Variants in MIS18A observed in about 807,000 individuals in gnomAD.
MIS18A encodes protein Mis18-alpha.
MIS18A carries 14 observed loss-of-function variants against 25.0 expected under a neutral mutation model. That is an observed-to-expected ratio of 0.56 (90% CI 0.37 to 0.88). The LOEUF (loss-of-function observed/expected upper bound fraction) is 0.88, where lower values mean the gene tolerates loss of function less well. Ranked by LOEUF, MIS18A falls within the 40% of genes least tolerant of loss-of-function variation. The pLI, the probability that MIS18A is intolerant of heterozygous loss-of-function variation, is 0.00. For synonymous variants in MIS18A, 134 were observed against 118.6 expected (o/e 1.13, Z -0.84); for missense variants, 292 against 290.8 (o/e 1.00, Z -0.03).
downstream of MIS18A, among the ~76,000 whole-genome samples, chr21:32,265,340 C>A (rs1298429119): frequency 6.6e-6 from 1 of 152,186 alleles, no homozygotes; most frequent in East Asian, 1.9e-4. Context: ...GGGAGAGGCA[C>A]GAGCGGGAAC....
At chr21:32,175,954 C>T in the MIS18A span, among the ~76,000 whole-genome samples, 2 of 152,048 alleles carry the variant, frequency 1.3e-5, no homozygotes, top group Admixed American at 6.6e-5. Flanking sequence ...CAAACACATA[C>T]ATGAGCCTAG....
Position 32,278,848 on chromosome 21 carries a change from C to T in MIS18A, c.167G>A (p.Ser56Asn), listed in dbSNP as rs1280235343. Residue 56 changes from serine (S) to asparagine (N), a missense_variant, in exon 1 of 5, where the codon AGC (serine) becomes AAC (asparagine). Coordinates refer to ENST00000290130, the MANE Select transcript of MIS18A (RefSeq NM_018944.3). The part of the protein sequence containing the change: ...QKWASMWSSM[S>N]EDASVADMER... ...CATGTCGGCCACCGACGCGTCTTCG[C>T]TCATGGAGCTCCACATGCTCGCCCA... 3.1e-6 allele frequency: 5 copies of T among 1,611,256 alleles called. No individual in the cohort carries two copies. The highest frequency in any genetic ancestry group is 1.7e-6 in the Non-Finnish European group (2 of 1,179,270).
At chr21:32,189,688 C>T in the MIS18A span, among the ~76,000 whole-genome samples, 1 of 152,172 alleles carries the variant, frequency 6.6e-6, no homozygotes, top group Non-Finnish European at 1.5e-5. Context: ...CCCCAAAACT[C>T]AGCTCCCTTG....
At chr21:32,245,842 T>C in the MIS18A span, among the ~76,000 whole-genome samples, 1 of 152,212 alleles carries the variant, frequency 6.6e-6, no homozygotes, top group Non-Finnish European at 1.5e-5. Context: ...GACACCTGTG[T>C]TAGGCCATTC....
the MIS18A span, among the ~76,000 whole-genome samples, chr21:32,249,477 G>A: frequency 3.2e-3 from 495 of 152,316 alleles, no homozygotes; most frequent in Non-Finnish European, 5.5e-3. Flanking sequence ...ACTTCTGGGA[G>A]GAGCCATGGA....
chr21:32,206,317 A>C, the MIS18A span, among the ~76,000 whole-genome samples: 1 of 152,160 alleles, frequency 6.6e-6, no homozygotes, highest in Non-Finnish European at 1.5e-5. Context: ...TTACTCTGAC[A>C]GCTCTCTCCA....
chr21:32,158,327 C>G, the MIS18A span, among the ~76,000 whole-genome samples: 49,603 of 151,762 alleles, frequency 0.33, 8,266 homozygotes, highest in African/African-American at 0.34. Context: ...TAAAGAAACA[C>G]ATTATAGAAT....
chr21:32,240,340 G>C, the MIS18A span, among the ~76,000 whole-genome samples: 1 of 152,262 alleles, frequency 6.6e-6, no homozygotes, highest in Non-Finnish European at 1.5e-5. Flanking sequence ...AAAGAGAGGA[G>C]AGTTGTCCCT....
the MIS18A span, among the ~76,000 whole-genome samples, chr21:32,162,864 G>A: frequency 0.032 from 4,922 of 152,228 alleles, 115 homozygotes; most frequent in Middle Eastern, 0.099. Flanking sequence ...ATGGCCAATC[G>A]CTCCAGGAGT....
the MIS18A span, among the ~76,000 whole-genome samples, chr21:32,207,252 G>A: frequency 4.6e-5 from 7 of 152,188 alleles, no homozygotes; most frequent in African/African-American, 1.7e-4. Context: ...AAAAATTGCA[G>A]ATAAGCATCT....
chr21:32,164,949 T>C, the MIS18A span, among the ~76,000 whole-genome samples: 4 of 152,222 alleles, frequency 2.6e-5, no homozygotes, highest in East Asian at 3.8e-4. Context: ...TGGTCACTAC[T>C]ACATATCAAT....
the MIS18A span, among the ~76,000 whole-genome samples, chr21:32,156,102 T>G: frequency 6.6e-5 from 10 of 152,232 alleles, no homozygotes; most frequent in African/African-American, 2.4e-4. Context: ...TGACCCTTTT[T>G]TAACCAGAGC....
the MIS18A span, among the ~76,000 whole-genome samples, chr21:32,252,239 A>AAG: frequency 2.8e-4 from 16 of 57,084 alleles, 1 homozygote; most frequent in Admixed American, 3.7e-3. Flanking sequence ...GAAGAAGAAG[A>AAG]AGGAGGAGGA....
chr21:32,246,474 C>CA, the MIS18A span, among the ~76,000 whole-genome samples: 3 of 152,074 alleles, frequency 2.0e-5, no homozygotes, highest in East Asian at 3.9e-4. Context: ...AGGAGTCTGG[C>CA]AGGGGGGAGA....
chr21:32,279,026 C>T lies in MIS18A; in HGVS notation c.-12G>A. ...CGAACGCCTGCCATTACCTACAAATCGCCCGCGCCCCAGAGCGCCATGGGA... is the reference window on the plus strand; with the variant it reads ...CGAACGCCTGCCATTACCTACAAATTGCCCGCGCCCCAGAGCGCCATGGGA... On this transcript the variant is annotated 5_prime_UTR_variant, in exon 1 of 5. Coordinates refer to ENST00000290130, the MANE Select transcript of MIS18A (RefSeq NM_018944.3). The T allele has an allele frequency of 6.3e-7, 1 of 1,583,684 alleles. No homozygotes were observed. Among genetic ancestry groups the T allele is most frequent in the Non-Finnish European group, 8.6e-7 (1 of 1,165,448 alleles).
the MIS18A span, among the ~76,000 whole-genome samples, chr21:32,256,735 T>C: frequency 6.6e-6 from 1 of 152,202 alleles, no homozygotes; most frequent in African/African-American, 2.4e-5. Flanking sequence ...AATGATCTCT[T>C]GTTCCTGTGA....
chr21:32,198,804 G>C, the MIS18A span, among the ~76,000 whole-genome samples: 1 of 152,144 alleles, frequency 6.6e-6, no homozygotes, highest in South Asian at 2.1e-4. Context: ...GAATTGAAAA[G>C]GTGGCTTTAG....
At chr21:32,266,226 A>C, downstream of MIS18A, among the ~76,000 whole-genome samples, 1 of 152,164 alleles carries the variant, frequency 6.6e-6, no homozygotes, top group Non-Finnish European at 1.5e-5. Flanking sequence ...CTGTGTGTGG[A>C]AACTCTGTAT....
the MIS18A span, among the ~76,000 whole-genome samples, chr21:32,159,688 A>G: frequency 1.3e-5 from 2 of 152,244 alleles, no homozygotes; most frequent in African/African-American, 2.4e-5. Context: ...TGAGACATCA[A>G]TCAAATACAT....
Sources: allele counts gnomAD v4.1 joint callset (sites outside exome capture counted in the v4.1 genomes callset), GRCh38; gene constraint gnomAD v4.1.1; transcripts MANE v1.5; gene names NCBI Gene and HGNC (gene_info 2026-07-23, HGNC 2026-07-21).